Variants in FYN observed in about 807,000 individuals in gnomAD.
FYN encodes the protein tyrosine-protein kinase Fyn.
A neutral mutation model predicts 70.2 loss-of-function variants in FYN; 10 were observed. The ratio of observed to expected loss-of-function variants is 0.14; its 90% CI spans 0.09 to 0.24. The LOEUF (loss-of-function observed/expected upper bound fraction) is 0.24, where lower values mean the gene tolerates loss of function less well. Among genes scored for constraint, FYN ranks in the 10% least tolerant of loss-of-function variants. The probability of loss-of-function intolerance (pLI) is 1.00; values close to 1 mark genes in which losing one functional copy is unlikely to be tolerated. For missense variants in FYN, 319 were observed against 673.1 expected (o/e 0.47, Z 5.82); for synonymous variants, 236 against 248.6 (o/e 0.95, Z 0.48).
chr6:111,798,014 C>T (rs554407099), intron 2 of FYN, among the ~76,000 whole-genome samples: 6 of 152,152 alleles, frequency 3.9e-5, no homozygotes, highest in South Asian at 2.1e-4. Context: ...CCGCCCGCCT[C>T]GGCCTCCCAA....
At chr6:111,763,872 T>A (rs1275629712) in intron 3 of FYN, among the ~76,000 whole-genome samples, 1 of 152,050 alleles carries the variant, frequency 6.6e-6, no homozygotes, top group Non-Finnish European at 1.5e-5. Context: ...TTATAAAATG[T>A]GGGTAACAAT....
At chr6:111,836,585 G>A (rs1208662125) in intron 2 of FYN, among the ~76,000 whole-genome samples, 1 of 152,032 alleles carries the variant, frequency 6.6e-6, no homozygotes, top group Admixed American at 6.6e-5. Context: ...GGCAACATAG[G>A]GAGACACTGT....
intron 13 of FYN, among the ~76,000 whole-genome samples, chr6:111,665,318 A>G (rs527978727): frequency 6.6e-6 from 1 of 152,304 alleles, no homozygotes; most frequent in African/African-American, 2.4e-5. Flanking sequence ...TCTCAGCTAT[A>G]TGAATTTTGA....
At chr6:111,663,731 A>T (rs775296225) in intron 13 of FYN, among the ~76,000 whole-genome samples, 3 of 152,178 alleles carry the variant, frequency 2.0e-5, no homozygotes, top group Non-Finnish European at 4.4e-5. Flanking sequence ...CCTCTGTGCC[A>T]TGCATGCCTT....
At chr6:111,681,812 A>G (rs936626757) in intron 12 of FYN, among the ~76,000 whole-genome samples, 5 of 152,168 alleles carry the variant, frequency 3.3e-5, no homozygotes, top group Admixed American at 2.6e-4. Flanking sequence ...GGATGCCAGC[A>G]ATAGTCTTGT....
intron 2 of FYN, among the ~76,000 whole-genome samples, chr6:111,824,943 G>A (rs958924686): frequency 1.3e-5 from 2 of 152,206 alleles, no homozygotes; most frequent in African/African-American, 4.8e-5. Flanking sequence ...ATTGTTTAAA[G>A]TTTTCATTAC....
chr6:111,846,073 C>G (rs904355709), intron 2 of FYN, among the ~76,000 whole-genome samples: 1 of 152,114 alleles, frequency 6.6e-6, no homozygotes, highest in Admixed American at 6.6e-5. Flanking sequence ...TGTCTAACAC[C>G]CAGTAGGAAC....
intron 2 of FYN, among the ~76,000 whole-genome samples, chr6:111,794,341 A>G (rs2128516052): frequency 6.6e-6 from 1 of 152,370 alleles, no homozygotes; most frequent in East Asian, 1.9e-4. Flanking sequence ...TATGCTTTTT[A>G]AATAACTTTT....
chr6:111,683,890 C>CAAAGTTT (rs1798881056), intron 12 of FYN, among the ~76,000 whole-genome samples: 1 of 152,110 alleles, frequency 6.6e-6, no homozygotes, highest in African/African-American at 2.4e-5. Flanking sequence ...GATTTCAAAC[C>CAAAGTTT]CAATGAAACT....
intron 3 of FYN, among the ~76,000 whole-genome samples, chr6:111,735,976 A>G (rs1391398600): frequency 1.3e-5 from 2 of 152,234 alleles, no homozygotes; most frequent in African/African-American, 4.8e-5. Flanking sequence ...AGTGAGAAAT[A>G]GGCTTGCACA....
chr6:111,850,826 T>A (rs1271266705), intron 1 of FYN, among the ~76,000 whole-genome samples: 1 of 152,220 alleles, frequency 6.6e-6, no homozygotes, highest in Non-Finnish European at 1.5e-5. Context: ...GTCTCCTGTG[T>A]GCCCAACAGC....
At position 111,724,932 on chromosome 6, in the gene FYN, G is replaced by A. The variant is rs150928333; in HGVS notation, c.-11-4870C>T. Reference sequence around the variant, plus strand: ...AACCAAATGCAAGCAACTGAGATGGGGGCAGTTGAAAAAAGAATTTAAAGC... The same window carrying A: ...AACCAAATGCAAGCAACTGAGATGGAGGCAGTTGAAAAAAGAATTTAAAGC... On this transcript the variant is annotated intron_variant, in intron 3 of 13. Coordinates refer to ENST00000354650, the MANE Select transcript of FYN (RefSeq NM_002037.5). Among the ~76,000 whole-genome samples, 75 of 152,188 alleles carry A rather than the reference G, an allele frequency of 4.9e-4. 1 individual carries two copies. The East Asian group carries it at 5.6e-3, about 11-fold the overall frequency.
chr6:111,854,469 A>C (rs566234895), intron 1 of FYN, among the ~76,000 whole-genome samples: 1 of 152,314 alleles, frequency 6.6e-6, no homozygotes, highest in East Asian at 1.9e-4. Context: ...TGTGCTGACC[A>C]TTGCACTGTG....
intron 2 of FYN, among the ~76,000 whole-genome samples, chr6:111,829,671 A>C (rs1033236920): frequency 2.0e-5 from 3 of 152,232 alleles, no homozygotes; most frequent in African/African-American, 7.2e-5. Context: ...GTCTGACCTT[A>C]GACAAGTTAT....
chr6:111,669,438 C>CTAAAAA (rs1798162563), intron 13 of FYN, among the ~76,000 whole-genome samples: 1 of 56,868 alleles, frequency 1.8e-5, no homozygotes, highest in Non-Finnish European at 3.2e-5. Flanking sequence ...CCATCCATCT[C>CTAAAAA]AAAAAAAAAA....
chr6:111,703,241 C>T (rs1315497501), intron 7 of FYN, among the ~76,000 whole-genome samples: 2 of 152,046 alleles, frequency 1.3e-5, no homozygotes, highest in African/African-American at 4.8e-5. Context: ...ATGATTCTGC[C>T]CTTGAGACTG....
At chr6:111,835,244 G>A (rs143865006) in intron 2 of FYN, among the ~76,000 whole-genome samples, 15 of 152,276 alleles carry the variant, frequency 9.9e-5, no homozygotes, top group African/African-American at 3.6e-4. Context: ...CTAAAGATCT[G>A]AATCTAGGTA....
chr6:111,770,461 A>G (rs542497420), intron 3 of FYN, among the ~76,000 whole-genome samples: 4 of 152,168 alleles, frequency 2.6e-5, no homozygotes, highest in Non-Finnish European at 5.9e-5. Context: ...GATGGGAAGA[A>G]ACATTGTGGG....
Position 111,790,247 on chromosome 6 carries a change from T to TACAC in FYN, c.-81-9616_-81-9613dup, listed in dbSNP as rs61565042. 6.4e-3 allele frequency among the ~76,000 whole-genome samples: 807 copies of TACAC among 125,938 alleles called. 5 individuals are homozygous for TACAC. The highest frequency in any genetic ancestry group is 9.8e-3 in the East Asian group (40 of 4,066). 82.6% of individuals were successfully genotyped at this position (125,938 alleles called of 152,430 possible). A position where few individuals can be genotyped will look rare whatever the true frequency, so the allele number is the denominator to read the frequency against. On this transcript the variant is annotated intron_variant, in intron 2 of 13. Transcript: ENST00000354650. ...GTTATTGGTAGTTCTGAACCTTAGA[T>TACAC]ACACACACACACACACACACACACA...
Sources: gnomAD v4.1 joint callset for allele counts (sites outside exome capture counted in the v4.1 genomes callset) on GRCh38, gnomAD v4.1.1 for gene constraint, MANE v1.5 for transcripts, NCBI Gene and HGNC (gene_info 2026-07-23, HGNC 2026-07-21) for gene names.